BMP1: variants seen among roughly 807,000 people sequenced by gnomAD.
The protein encoded by BMP1 is mammalian tolloid protein.
Under a neutral mutation model 116.8 loss-of-function variants are expected in BMP1, and 63 were observed. That is an observed-to-expected ratio of 0.54 (90% CI 0.44 to 0.67). The LOEUF is 0.67. BMP1 is among the 30% of genes least tolerant of loss of function. BMP1 has a pLI of 0.00. For missense variants in BMP1, 1,183 were observed against 1,358.9 expected, an observed-to-expected ratio of 0.87 and a Z score of 2.04; for synonymous variants, 536 against 533.4, an observed-to-expected ratio of 1.00 and a Z score of -0.07.
At chr8:22,201,503 A>C in intron 15 of BMP1, 1 of 1,394,876 alleles carries the variant, frequency 7.2e-7, no homozygotes, top group East Asian at 2.8e-5. Context: ...CCATGTGTCT[A>C]TTTTTCCACT....
rs769359150 is a variant in BMP1 at position 22,209,570 on chromosome 8, G to A, written c.2701G>A (p.Gly901Ser). The stretch of plus-strand genomic sequence containing the variant: ...GGTCATTGTGGCCGAGGAAGGCTAC[G>A]GCGTGGAGCTCGTGTTCCAGACCTT... ...EWVIVAEEGY[G>S]VELVFQTFEV... is the part of the protein sequence containing the mutation. The change falls in exon 19 of 20, where the codon GGC becomes AGC. Residue 901 changes from glycine (G) to serine (S), a missense_variant. Physicochemically the swap from Gly to Ser is moderately conservative, Grantham distance 56. Around this residue, in one of 4 missense-constraint regions of BMP1, gnomAD observed 956 missense variants for 1,135.2 expected, o/e 0.84. Transcript: ENST00000306385. 7 of 1,614,100 alleles carry A rather than the reference G, an allele frequency of 4.3e-6. No individual in the cohort carries two copies. Among genetic ancestry groups the A allele is most frequent in the African/African-American group, 1.3e-5 (1 of 74,946 alleles).
chr8:22,180,183 G>C (rs966774799), intron 7 of BMP1, among the ~76,000 whole-genome samples, 185 bp from the exon 8 acceptor site: 2 of 152,090 alleles, frequency 1.3e-5, no homozygotes, highest in Non-Finnish European at 1.5e-5. Context: ...TGGGAGGTAG[G>C]ATGGCGTGTG....
At chr8:22,206,732 G>A in intron 16 of BMP1, 122 bp from the exon 17 acceptor site, 5 of 1,435,086 alleles carry the variant, frequency 3.5e-6, no homozygotes, top group Non-Finnish European at 4.8e-6. Context: ...CTGCCATCCA[G>A]TTCATAAGTG....
intron 18 of BMP1, 109 bp downstream of exon 18, chr8:22,207,625 C>T (rs969591503): frequency 4.4e-5 from 56 of 1,273,880 alleles, no homozygotes; most frequent in Non-Finnish European, 5.4e-5. Flanking sequence ...AGCCCTGCGA[C>T]CCAGGGCCAG....
intron 15 of BMP1, chr8:22,199,538 A>C: frequency 2.6e-6 from 2 of 776,744 alleles, no homozygotes; most frequent in Non-Finnish European, 3.4e-6. Context: ...CCACTCATTC[A>C]TCCAGCCATT....
chr8:22,199,547 T>C (rs542249630), intron 15 of BMP1, among the ~76,000 whole-genome samples: 1 of 151,696 alleles, frequency 6.6e-6, no homozygotes, highest in East Asian at 2.0e-4. Context: ...CATCCAGCCA[T>C]TCACTTACGC....
intron 1 of BMP1, among the ~76,000 whole-genome samples, chr8:22,169,046 G>T (rs930931532): frequency 6.6e-6 from 1 of 152,140 alleles, no homozygotes; most frequent in Admixed American, 6.5e-5. Context: ...TCATGCACCC[G>T]TAGTCCCAGC....
chr8:22,180,129 G>C (rs1828570961), intron 7 of BMP1, among the ~76,000 whole-genome samples: 1 of 152,112 alleles, frequency 6.6e-6, no homozygotes. Context: ...CTTGACCTTA[G>C]CTCTGGAACC....
chr8:22,169,459 G>C (rs902157422), intron 1 of BMP1: 1 of 152,298 alleles, frequency 6.6e-6, no homozygotes, highest in African/African-American at 2.4e-5. Flanking sequence ...ACAAGATCCT[G>C]CACGGGGAAG....
chr8:22,194,564 G>C lies in BMP1; in HGVS notation c.1417G>C (p.Val473Leu), dbSNP rs373883675. ...GATCCAGGTGTCTGAGGGCTTCCACGTGGGCCTCACATTCCAGTCCTTTGA... is the reference window on the plus strand; with the variant it reads ...GATCCAGGTGTCTGAGGGCTTCCACCTGGGCCTCACATTCCAGTCCTTTGA... Reference protein sequence around the residue: ...WRIQVSEGFHVGLTFQSFEIE... With the variant: ...WRIQVSEGFHLGLTFQSFEIE... The change falls in exon 11 of 20, where the codon GTG becomes CTG. Residue 473 changes from valine to leucine, a missense_variant. By Grantham distance (32) the Val-to-Leu change is conservative. This residue lies in a region of BMP1 where 956 missense variants were observed against 1,135.2 expected (regional missense o/e 0.84). Coordinates refer to ENST00000306385, the MANE Select transcript of BMP1 (RefSeq NM_006129.5). The surrounding 1 kb of genome is among the most constrained non-coding windows in gnomAD (Gnocchi z 4.5). 1.2e-6 allele frequency: 2 copies of C among 1,614,180 alleles called. No individual in the cohort carries two copies. Among genetic ancestry groups the C allele is most frequent in the Non-Finnish European group, 1.7e-6 (2 of 1,180,022 alleles).
Position 22,196,788 on chromosome 8 carries a change from C to G in BMP1, c.1874C>G (p.Thr625Ser), listed in dbSNP as rs1157771965. ...TGCATCTGGCAGCTGGTGGCCCCCACCCAGTACCGCATCTCCCTGCAGTTT... is the reference window on the plus strand; with the variant it reads ...TGCATCTGGCAGCTGGTGGCCCCCAGCCAGTACCGCATCTCCCTGCAGTTT... ...KNCIWQLVAP[T>S]QYRISLQFDF... Residue 625 changes from threonine (T) to serine (S), a missense_variant, in exon 14 of 20, where the codon ACC (threonine) becomes AGC (serine). Coordinates refer to ENST00000306385, the MANE Select transcript of BMP1 (RefSeq NM_006129.5). 1 of 1,614,100 alleles carries G rather than the reference C, an allele frequency of 6.2e-7. No homozygotes were observed. Among genetic ancestry groups the G allele is most frequent in the South Asian group, 1.1e-5 (1 of 91,074 alleles).
intron 16 of BMP1, 33 bp from the exon 17 acceptor site, chr8:22,206,821 C>G (rs1270902488): frequency 6.2e-7 from 1 of 1,613,758 alleles, no homozygotes; most frequent in African/African-American, 1.3e-5. Context: ...TGGGGTCCCT[C>G]TCTATCCCCT....
intron 13 of BMP1, chr8:22,196,448 G>A (rs917203120): frequency 5.3e-5 from 33 of 617,624 alleles, no homozygotes; most frequent in African/African-American, 3.5e-4. Context: ...GATAGAAATG[G>A]CCACACTTAT....
intron 15 of BMP1, among the ~76,000 whole-genome samples, chr8:22,200,173 G>T (rs745929306): frequency 1.7e-4 from 26 of 152,220 alleles, no homozygotes; most frequent in Non-Finnish European, 3.5e-4. Context: ...AGTGTATGTG[G>T]CTGCGGCACA....
chr8:22,199,256 C>A (rs151297513), intron 15 of BMP1: 2 of 1,367,288 alleles, frequency 1.5e-6, no homozygotes, highest in Admixed American at 1.9e-5. Context: ...CTGACTCTGG[C>A]CCCCCAGGAG....
At chr8:22,166,268 G>C (rs1828106859) in intron 1 of BMP1, among the ~76,000 whole-genome samples, 2 of 152,036 alleles carry the variant, frequency 1.3e-5, no homozygotes, top group African/African-American at 4.8e-5. Flanking sequence ...GGGGTGGAAA[G>C]AGGGAAAATA....
At chr8:22,195,425 G>T in intron 12 of BMP1, 37 bp from the exon 13 acceptor site, 1 of 1,577,254 alleles carries the variant, frequency 6.3e-7, no homozygotes, top group Non-Finnish European at 8.6e-7. Flanking sequence ...TCCCTTGAAT[G>T]CCTGGAGTCT....
At chr8:22,165,589 C>G (rs1310209677) in intron 1 of BMP1, 36 bp downstream of exon 1, 1 of 1,509,718 alleles carries the variant, frequency 6.6e-7, no homozygotes, top group South Asian at 1.2e-5. Context: ...ACGGGCCAGG[C>G]GGGGAGGCGC....
At chr8:22,211,094 G>A (rs906099454) in intron 19 of BMP1, among the ~76,000 whole-genome samples, 2 of 152,210 alleles carry the variant, frequency 1.3e-5, no homozygotes, top group African/African-American at 2.4e-5. Flanking sequence ...GGCCTGGGGG[G>A]CACTGTGCTT....
Sources: allele counts gnomAD v4.1 joint callset (sites outside exome capture counted in the v4.1 genomes callset), GRCh38; gene constraint gnomAD v4.1.1; regional missense constraint gnomAD v4.1.1; non-coding constraint Gnocchi (gnomAD v3.1); transcripts MANE v1.5; gene names NCBI Gene and HGNC (gene_info 2026-07-23, HGNC 2026-07-21).